Variants in AP4S1 observed in about 807,000 individuals in gnomAD.
AP4S1 encodes adaptor related protein complex 4 subunit sigma 1, also known as AP-4 complex subunit sigma-1.
Under a neutral mutation model 19.8 loss-of-function variants are expected in AP4S1, and 23 were observed. The observed-to-expected ratio is 1.16, with a 90% CI of 0.84 to 1.65. The LOEUF (loss-of-function observed/expected upper bound fraction) is 1.65. Among genes scored for constraint, AP4S1 ranks in the 40% most tolerant of loss-of-function variants. The pLI, the probability that AP4S1 is intolerant of heterozygous loss-of-function variation, is 0.00. For missense variants in AP4S1, 166 were observed against 172.8 expected, an observed-to-expected ratio of 0.96 and a Z score of 0.22; for synonymous variants, 46 against 54.1, an observed-to-expected ratio of 0.85 and a Z score of 0.66.
chr14:31,079,608 T>C (rs544622131), intron 4 of AP4S1, among the ~76,000 whole-genome samples: 2 of 152,248 alleles, frequency 1.3e-5, no homozygotes, highest in East Asian at 1.9e-4. Context: ...GTGGATTGCT[T>C]GAGCTCAGGA....
In AP4S1 at chr14:31,096,263, T is replaced by C. The variant is rs541639126; in HGVS notation, c.*3228T>C. On this transcript the variant is annotated 3_prime_UTR_variant, in exon 6 of 6. Coordinates refer to ENST00000542754, the MANE Select transcript of AP4S1 (RefSeq NM_001128126.3). ...ATGCACTGCATCCCCCCAAAACCTT[T>C]CTATATGCTTTTGCTACCCCGTTAA... 1.3e-5 allele frequency: 2 copies of C among 152,148 alleles called. No homozygotes were observed. The highest frequency in any genetic ancestry group is 1.5e-5 in the Non-Finnish European group (1 of 68,008). 9.4% of individuals were successfully genotyped at this position (152,148 alleles called of 1,614,324 possible).
Position 31,049,413 on chromosome 14 carries a change from C to CAA in AP4S1, c.-71-16698_-71-16697dup, listed in dbSNP as rs1206930739. Reference sequence around the variant, plus strand: ...TGGGTGACAGAGCAAGACTCGGTCTCAAAAAAAAAAAAAAAATATATATAT... The same window carrying CAA: ...TGGGTGACAGAGCAAGACTCGGTCTCAAAAAAAAAAAAAAAAAATATATATAT... On this transcript the variant is annotated intron_variant, in intron 1 of 5. Coordinates refer to ENST00000542754, the MANE Select transcript of AP4S1 (RefSeq NM_001128126.3). 2.7e-3 allele frequency among the ~76,000 whole-genome samples: 118 copies of CAA among 43,516 alleles called. 2 individuals are homozygous for CAA. Among genetic ancestry groups the CAA allele is most frequent in the African/African-American group, 6.0e-3 (53 of 8,786 alleles). The allele number at this position is 43,516 out of a possible 152,430, so 28.5% of individuals were successfully genotyped here.
intron 1 of AP4S1, among the ~76,000 whole-genome samples, chr14:31,038,990 AG>A (rs1884936668): frequency 1.4e-5 from 1 of 73,872 alleles, no homozygotes. Flanking sequence ...TTAAATGTAG[AG>A]GTTTTTTTTT....
intron 5 of AP4S1, chr14:31,086,003 T>C (rs1311497370): frequency 6.1e-5 from 13 of 212,840 alleles, no homozygotes; most frequent in Non-Finnish European, 8.9e-5. Flanking sequence ...TCCTGGAGAA[T>C]GATGGTGTGC....
Position 31,049,780 on chromosome 14 carries a change from TTTG to T in AP4S1, c.-71-16344_-71-16342del, listed in dbSNP as rs548265124. Among the ~76,000 whole-genome samples the T allele has an allele frequency of 8.6e-5, 13 of 151,638 alleles. No individual in the cohort carries two copies. The East Asian group carries it at 1.8e-3, about 21-fold the overall frequency. On this transcript the variant is annotated intron_variant, in intron 1 of 5. Coordinates refer to ENST00000542754, the MANE Select transcript of AP4S1 (RefSeq NM_001128126.3). ...ATACACGGCTAATTTTTTTGCATGT[TTTG>T]TAGAGTCAGGGTTTCATCATGTTGC...
intron 1 of AP4S1, among the ~76,000 whole-genome samples, chr14:31,056,508 G>A (rs1423254980): frequency 2.6e-5 from 4 of 152,090 alleles, no homozygotes; most frequent in Admixed American, 1.3e-4. Context: ...ACAGGTGTCC[G>A]CCACCACACC....
chr14:31,093,062 A>C lies in AP4S1; in HGVS notation c.*27A>C. 6.5e-7 allele frequency: 1 copy of C among 1,543,874 alleles called. No individual in the cohort carries two copies. The highest frequency in any genetic ancestry group is 8.7e-7 in the Non-Finnish European group (1 of 1,145,108). ...AGGAAGTCTCTTCGAGACAATATGG[A>C]TTTATCAGAAATGCGAGTACCGTGG... On this transcript the variant is annotated 3_prime_UTR_variant, in exon 6 of 6. Transcript: ENST00000542754.
intron 2 of AP4S1, among the ~76,000 whole-genome samples, chr14:31,069,514 C>T (rs1886887924): frequency 3.3e-5 from 5 of 152,144 alleles, no homozygotes; most frequent in African/African-American, 4.8e-5. Flanking sequence ...TGCTTATTTT[C>T]GCTTCAGAGG....
intron 1 of AP4S1, among the ~76,000 whole-genome samples, chr14:31,035,976 C>T (rs568919441): frequency 3.9e-5 from 6 of 152,034 alleles, no homozygotes; most frequent in East Asian, 1.9e-4. Context: ...GTGATCCGCC[C>T]GCCTTGGCCT....
intron 1 of AP4S1, among the ~76,000 whole-genome samples, chr14:31,053,826 A>G (rs1885952028): frequency 6.6e-6 from 1 of 151,946 alleles, no homozygotes; most frequent in South Asian, 2.1e-4. Context: ...AAGACATTTT[A>G]GAGTTCATCA....
chr14:31,081,236 C>A (rs1262547262), intron 5 of AP4S1, among the ~76,000 whole-genome samples: 2 of 152,114 alleles, frequency 1.3e-5, no homozygotes, highest in Non-Finnish European at 2.9e-5. Context: ...AGTGTTTAGT[C>A]CTCCTCCAGA....
At chr14:31,048,283 G>A (rs971637675) in intron 1 of AP4S1, among the ~76,000 whole-genome samples, 2 of 151,258 alleles carry the variant, frequency 1.3e-5, no homozygotes, top group East Asian at 2.0e-4. Flanking sequence ...TGTATTTTTA[G>A]TAGAAACGGG....
At chr14:31,088,024 C>T (rs914673968) in intron 5 of AP4S1, among the ~76,000 whole-genome samples, 5 of 152,162 alleles carry the variant, frequency 3.3e-5, no homozygotes, top group African/African-American at 9.7e-5. Context: ...CATTGAGAGA[C>T]GAGGGACCCA....
chr14:31,049,428 A>AAAAAAATATATAT (rs1384450221), intron 1 of AP4S1, among the ~76,000 whole-genome samples: 2 of 57,740 alleles, frequency 3.5e-5, no homozygotes, highest in African/African-American at 7.9e-5. Flanking sequence ...AAAAAAAAAA[A>AAAAAAATATATAT]ATATATATAT....
intron 1 of AP4S1, among the ~76,000 whole-genome samples, chr14:31,043,412 T>C (rs981262901): frequency 2.6e-5 from 4 of 151,894 alleles, no homozygotes; most frequent in African/African-American, 9.7e-5. Context: ...GAGGGGGTAG[T>C]GGATGGGAAA....
At chr14:31,073,272 C>T (rs754233212) in intron 4 of AP4S1, 43 of 340,364 alleles carry the variant, frequency 1.3e-4, no homozygotes, top group South Asian at 2.9e-4. Flanking sequence ...GGGCAGATCA[C>T]AAGGTCAGGA....
chr14:31,031,179 C>A (rs1427193504), intron 1 of AP4S1, among the ~76,000 whole-genome samples: 1 of 152,138 alleles, frequency 6.6e-6, no homozygotes, highest in Non-Finnish European at 1.5e-5. Flanking sequence ...TGTAATTTTC[C>A]TGAGGCCTCC....
At chr14:31,079,431 C>T (rs148953983) in intron 4 of AP4S1, among the ~76,000 whole-genome samples, 17 of 152,046 alleles carry the variant, frequency 1.1e-4, no homozygotes, top group African/African-American at 3.4e-4. Context: ...GCTGCACATT[C>T]GGAGGGACAC....
chr14:31,026,015 C>T, intron 1 of AP4S1: 1 of 1,546,018 alleles, frequency 6.5e-7, no homozygotes, highest in Non-Finnish European at 8.7e-7. Context: ...GCGGCCGGGA[C>T]AGCTCGGGGC....
Sources: allele counts gnomAD v4.1 joint callset (sites outside exome capture counted in the v4.1 genomes callset), GRCh38; gene constraint gnomAD v4.1.1; transcripts MANE v1.5; gene names NCBI Gene and HGNC (gene_info 2026-07-23, HGNC 2026-07-21).